Variants in COXFA4 observed in about 807,000 individuals in gnomAD.
COXFA4 encodes the protein cytochrome c oxidase subunit FA4.
the COXFA4 span, among the ~76,000 whole-genome samples, chr7:10,935,168 T>C: frequency 6.6e-6 from 1 of 152,254 alleles, no homozygotes; most frequent in Non-Finnish European, 1.5e-5. Flanking sequence ...CAAAAGCACA[T>C]TCATGGCATT....
At chr7:10,934,701 A>C in the COXFA4 span, among the ~76,000 whole-genome samples, 1 of 152,142 alleles carries the variant, frequency 6.6e-6, no homozygotes, top group Non-Finnish European at 1.5e-5. Flanking sequence ...ACCCGAACTT[A>C]TTTATTTCTG....
chr7:10,932,073 G>C, the COXFA4 span: 1 of 152,198 alleles, frequency 6.6e-6, no homozygotes, highest in Non-Finnish European at 1.5e-5. Context: ...ATTCTCAACA[G>C]AGGTAGGAAT....
At chr7:10,937,274 G>A in the COXFA4 span, among the ~76,000 whole-genome samples, 2 of 151,522 alleles carry the variant, frequency 1.3e-5, no homozygotes, top group African/African-American at 2.4e-5. Flanking sequence ...TAATGAAGCC[G>A]CCCTTGGTTT....
chr7:10,936,865 A>C, the COXFA4 span, among the ~76,000 whole-genome samples: 1 of 152,196 alleles, frequency 6.6e-6, no homozygotes, highest in East Asian at 1.9e-4. Context: ...GCAAAACCCC[A>C]TCTCTACTAA....
the COXFA4 span, among the ~76,000 whole-genome samples, chr7:10,937,058 T>C: frequency 2.6e-5 from 4 of 151,844 alleles, no homozygotes. Flanking sequence ...CAAAAAAACG[T>C]TGCTATGAGT....
the COXFA4 span, among the ~76,000 whole-genome samples, chr7:10,936,174 C>G: frequency 6.6e-6 from 1 of 152,184 alleles, no homozygotes; most frequent in Non-Finnish European, 1.5e-5. Flanking sequence ...ACTCCAGCTT[C>G]TCAAGTTTCT....
At chr7:10,933,534 T>C in the COXFA4 span, 2 of 829,548 alleles carry the variant, frequency 2.4e-6, no homozygotes, top group Non-Finnish European at 4.1e-6. Context: ...CATGATTTCA[T>C]GCATTTAGAG....
chr7:10,935,175 C>T, the COXFA4 span, among the ~76,000 whole-genome samples: 1 of 152,222 alleles, frequency 6.6e-6, no homozygotes, highest in Non-Finnish European at 1.5e-5. Context: ...ACATTCATGG[C>T]ATTGTTGCCA....
chr7:10,934,701 A>T, the COXFA4 span, among the ~76,000 whole-genome samples: 1 of 152,142 alleles, frequency 6.6e-6, no homozygotes, highest in Admixed American at 6.5e-5. Flanking sequence ...ACCCGAACTT[A>T]TTTATTTCTG....
chr7:10,939,812 C>T, the COXFA4 span: 2 of 685,868 alleles, frequency 2.9e-6, no homozygotes, highest in African/African-American at 1.8e-5. Flanking sequence ...TCTCCTTCCT[C>T]CTGTCAGACA....
chr7:10,938,178 A>G, the COXFA4 span: 1 of 1,583,274 alleles, frequency 6.3e-7, no homozygotes, highest in Non-Finnish European at 8.7e-7. Flanking sequence ...CGACTGTTAT[A>G]ATAATAAAGC....
chr7:10,939,011 T>C, the COXFA4 span: 1 of 781,716 alleles, frequency 1.3e-6, no homozygotes. Context: ...TATTGGACTG[T>C]TTTGTCTTAA....
At chr7:10,939,646 A>G in the COXFA4 span, 2 of 288,694 alleles carry the variant, frequency 6.9e-6, no homozygotes, top group Non-Finnish European at 1.4e-5. Flanking sequence ...CAGAGATGGT[A>G]TAACACATAG....
the COXFA4 span, chr7:10,940,030 T>G: frequency 6.2e-7 from 1 of 1,613,928 alleles, no homozygotes; most frequent in Non-Finnish European, 8.5e-7. Flanking sequence ...GGATGCTTCT[T>G]GGCCTGACCG....
the COXFA4 span, chr7:10,932,597 T>G: frequency 6.6e-6 from 1 of 152,238 alleles, no homozygotes; most frequent in Non-Finnish European, 1.5e-5. Context: ...TTCTATGATG[T>G]GATGACTTAC....
chr7:10,934,651 AT>A, the COXFA4 span, among the ~76,000 whole-genome samples: 1 of 152,136 alleles, frequency 6.6e-6, no homozygotes, highest in East Asian at 1.9e-4. Context: ...ACAAATCTAT[AT>A]TCATTCTTTC....
the COXFA4 span, chr7:10,940,091 G>C: frequency 2.5e-6 from 4 of 1,610,576 alleles, no homozygotes; most frequent in Non-Finnish European, 3.4e-6. Context: ...GGAAAGGAGA[G>C]AACCGACCTA....
the COXFA4 span, among the ~76,000 whole-genome samples, chr7:10,935,151 G>A: frequency 4.6e-5 from 7 of 152,204 alleles, no homozygotes; most frequent in Non-Finnish European, 5.9e-5. Flanking sequence ...CTACACCCAC[G>A]CAGAGTCAAA....
At chr7:10,940,004 T>G in the COXFA4 span, 5 of 1,613,788 alleles carry the variant, frequency 3.1e-6, no homozygotes, top group Non-Finnish European at 4.2e-6. Context: ...AGGAGAGCGG[T>G]CACGAACTTA....
Sources: allele counts gnomAD v4.1 joint callset (sites outside exome capture counted in the v4.1 genomes callset), GRCh38; gene constraint gnomAD v4.1.1; transcripts MANE v1.5; gene names NCBI Gene and HGNC (gene_info 2026-07-23, HGNC 2026-07-21).